MAP4: variants seen among roughly 807,000 people sequenced by gnomAD.
MAP4 encodes the protein microtubule associated protein 4.
A neutral mutation model predicts 170.2 loss-of-function variants in MAP4; 76 were observed. The ratio of observed to expected loss-of-function variants is 0.45; its 90% CI spans 0.37 to 0.54. The LOEUF (loss-of-function observed/expected upper bound fraction) is 0.54. MAP4 is among the 20% of genes least tolerant of loss of function. The pLI, the probability that MAP4 is intolerant of heterozygous loss-of-function variation, is 0.00. For missense variants in MAP4, 2,506 were observed against 2,748.0 expected (o/e 0.91, Z 1.97); for synonymous variants, 909 against 994.5 (o/e 0.91, Z 1.62).
chr3:47,977,664 C>G (rs548070838), intron 3 of MAP4, among the ~76,000 whole-genome samples: 1 of 152,306 alleles, frequency 6.6e-6, no homozygotes, highest in African/African-American at 2.4e-5. Context: ...CAAAAAATAT[C>G]AAAGCAAACT....
chr3:48,013,181 G>A (rs916373133), intron 1 of MAP4, among the ~76,000 whole-genome samples: 10 of 151,804 alleles, frequency 6.6e-5, no homozygotes, highest in African/African-American at 1.9e-4. Flanking sequence ...CTTACTATTC[G>A]GTTATGCCTT....
At chr3:47,974,045 G>C (rs560275149) in intron 3 of MAP4, 1 of 985,252 alleles carries the variant, frequency 1.0e-6, no homozygotes, top group East Asian at 1.1e-4. Flanking sequence ...CCTAAATTCC[G>C]GAAGTCGCTG....
intron 15 of MAP4, 27 bp downstream of exon 15, chr3:47,870,786 C>T: frequency 6.6e-7 from 1 of 1,518,612 alleles, no homozygotes; most frequent in Non-Finnish European, 8.8e-7. Context: ...GGCCAGCATG[C>T]CAGGACCCCA....
chr3:48,061,978 C>T (rs898477880), intron 1 of MAP4, among the ~76,000 whole-genome samples: 1 of 152,012 alleles, frequency 6.6e-6, no homozygotes, highest in East Asian at 1.9e-4. Flanking sequence ...TCTGCCTGAC[C>T]GCCACCCCGT....
intron 1 of MAP4, among the ~76,000 whole-genome samples, chr3:48,026,328 A>T (rs1206408422): frequency 6.6e-6 from 1 of 152,210 alleles, no homozygotes; most frequent in Non-Finnish European, 1.5e-5. Context: ...AAACGCTCAT[A>T]TTTATTACAT....
intron 3 of MAP4, among the ~76,000 whole-genome samples, chr3:47,944,321 C>A (rs1208514485): frequency 6.6e-6 from 1 of 151,880 alleles, no homozygotes; most frequent in Non-Finnish European, 1.5e-5. Flanking sequence ...AAAACAAAAA[C>A]AAAAACAAAA....
Position 48,062,459 on chromosome 3 carries a change from A to G in MAP4, c.-20+26314T>C, listed in dbSNP as rs374780179. ...CACTATTGTCCTATGACCCTGCCAA[A>G]TCCCCTTCTGCGAGAAACACCCAAG... is the stretch of plus-strand genomic sequence containing the variant. On this transcript the variant is annotated intron_variant, in intron 1 of 18. Coordinates refer to the MAP4 transcript ENST00000360240. Among the ~76,000 whole-genome samples, 355 of 141,706 alleles carry G rather than the reference A, an allele frequency of 2.5e-3. 4 individuals carry two copies. Among genetic ancestry groups the G allele is most frequent in the African/African-American group, 8.8e-3 (339 of 38,564 alleles). 93.0% of individuals were successfully genotyped at this position (141,706 alleles called of 152,430 possible).
intron 10 of MAP4, among the ~76,000 whole-genome samples, chr3:47,883,500 C>T (rs992077862): frequency 5.3e-5 from 8 of 152,210 alleles, no homozygotes; most frequent in Admixed American, 5.2e-4. Flanking sequence ...GCTGGGATTA[C>T]AGGCATGAGC....
intron 10 of MAP4, among the ~76,000 whole-genome samples, chr3:47,902,145 C>T (rs939865597): frequency 1.3e-5 from 2 of 152,030 alleles, no homozygotes; most frequent in African/African-American, 4.8e-5. Flanking sequence ...CAAAGTGATA[C>T]CTTGTCTCAA....
At chr3:47,962,460 G>A (rs749489906) in intron 3 of MAP4, among the ~76,000 whole-genome samples, 8 of 152,270 alleles carry the variant, frequency 5.3e-5, no homozygotes, top group South Asian at 2.1e-4. Flanking sequence ...GGGGAGGGGC[G>A]CATACTTTTC....
At chr3:47,954,945 T>A (rs2100066774) in intron 3 of MAP4, among the ~76,000 whole-genome samples, 1 of 152,154 alleles carries the variant, frequency 6.6e-6, no homozygotes, top group African/African-American at 2.4e-5. Context: ...AAGGGCTAAA[T>A]GGAAGCCCCT....
chr3:47,918,803 A>G lies in MAP4; in HGVS notation c.568T>C (p.Trp190Arg). The change falls in exon 6 of 21, where the codon TGG becomes CGG. Residue 190 changes from tryptophan to arginine, a missense_variant. This residue lies in a region of MAP4 where 2,008 missense variants were observed against 2,206.0 expected (regional missense o/e 0.91). Transcript: ENST00000683076. ...PCNTAVVPQG[W>R]SVEALNSPHS... ...GGAGAGTTTAAGGCTTCCACAGACC[A>G]CCCCTGAGGTACAACAGCTGTGTTG... The G allele has an allele frequency of 6.2e-7, 1 of 1,613,176 alleles. No homozygotes were observed. The highest frequency in any genetic ancestry group is 8.5e-7 in the Non-Finnish European group (1 of 1,179,196).
intron 1 of MAP4, among the ~76,000 whole-genome samples, chr3:48,001,236 G>T (rs1287695705): frequency 6.6e-6 from 1 of 152,146 alleles, no homozygotes; most frequent in African/African-American, 2.4e-5. Context: ...GCTGGAGATA[G>T]TTTGTCTCTA....
chr3:47,997,904 A>ATAGT (rs1472933971), intron 2 of MAP4, among the ~76,000 whole-genome samples: 1 of 152,244 alleles, frequency 6.6e-6, no homozygotes, highest in Non-Finnish European at 1.5e-5. Context: ...GATAACTGGA[A>ATAGT]TAGTTCTATG....
chr3:47,970,541 G>A (rs1316174624), intron 3 of MAP4, among the ~76,000 whole-genome samples: 1 of 152,038 alleles, frequency 6.6e-6, no homozygotes, highest in East Asian at 1.9e-4. Flanking sequence ...TGGGCGTGGT[G>A]GCTCACACCT....
chr3:47,946,252 A>G (rs977695221), intron 3 of MAP4, among the ~76,000 whole-genome samples: 1 of 151,748 alleles, frequency 6.6e-6, no homozygotes, highest in Non-Finnish European at 1.5e-5. Context: ...CCCATAACTT[A>G]AATGCTCAGG....
intron 1 of MAP4, among the ~76,000 whole-genome samples, chr3:48,047,561 T>C (rs769596984): frequency 6.6e-6 from 1 of 152,024 alleles, no homozygotes; most frequent in Non-Finnish European, 1.5e-5. Context: ...ACATAACTTA[T>C]AAGGAGTCAA....
At chr3:48,070,898 G>A (rs2100140670) in intron 1 of MAP4, among the ~76,000 whole-genome samples, 2 of 150,986 alleles carry the variant, frequency 1.3e-5, no homozygotes, top group African/African-American at 4.9e-5. Flanking sequence ...GGTGGTGAGC[G>A]CCTGTAGTCC....
chr3:47,860,994 C>T (rs371530528), intron 17 of MAP4, among the ~76,000 whole-genome samples: 379 of 152,004 alleles, frequency 2.5e-3, no homozygotes, highest in African/African-American at 8.5e-3. Flanking sequence ...AGGGCTGACG[C>T]GGGTGGATCA....
Sources: allele counts gnomAD v4.1 joint callset (sites outside exome capture counted in the v4.1 genomes callset), GRCh38; gene constraint gnomAD v4.1.1; regional missense constraint gnomAD v4.1.1; transcripts MANE v1.5; gene names NCBI Gene and HGNC (gene_info 2026-07-23, HGNC 2026-07-21).